Variants in ADAM29 observed in about 807,000 individuals in gnomAD.
ADAM29 encodes the protein ADAM metallopeptidase domain 29.
For missense variants in ADAM29, 969 were observed against 1,001.8 expected, an observed-to-expected ratio of 0.97 and a Z score of 0.44; for synonymous variants, 367 against 342.3, an observed-to-expected ratio of 1.07 and a Z score of -0.80.
At chr4:174,972,894 A>T (rs1405724134) in intron 4 of ADAM29, among the ~76,000 whole-genome samples, 2 of 152,072 alleles carry the variant, frequency 1.3e-5, no homozygotes, top group Non-Finnish European at 2.9e-5. Context: ...TGTACTGAGA[A>T]GTAGGGAAGA....
rs369495433 is a variant in ADAM29 at position 174,921,543 on chromosome 4, G to A, written c.-451+751G>A. Among the ~76,000 whole-genome samples the A allele has an allele frequency of 2.0e-5, 3 of 152,124 alleles. No homozygotes were observed. The East Asian group carries it at 5.8e-4, about 29-fold the overall frequency. Reference sequence around the variant, plus strand: ...CCAATTTCCAGATGGACGCACAAAAGCCTACTGCCTATTATCCAAAAAGTG... The same window carrying A: ...CCAATTTCCAGATGGACGCACAAAAACCTACTGCCTATTATCCAAAAAGTG... On this transcript the variant is annotated intron_variant, in intron 2 of 4. Coordinates refer to ENST00000359240, the MANE Select transcript of ADAM29 (RefSeq NM_014269.4).
intron 4 of ADAM29, among the ~76,000 whole-genome samples, chr4:174,939,594 T>C (rs1381262922): frequency 6.6e-6 from 1 of 152,220 alleles, no homozygotes; most frequent in Admixed American, 6.5e-5. Flanking sequence ...TTGGCAATTG[T>C]TCATTAGAAT....
At chr4:174,937,874 G>C (rs1253794817) in intron 4 of ADAM29, among the ~76,000 whole-genome samples, 3 of 151,994 alleles carry the variant, frequency 2.0e-5, no homozygotes, top group East Asian at 3.9e-4. Flanking sequence ...ATGACAAATT[G>C]CAATGTTAAA....
chr4:174,971,355 A>G (rs1281307446), intron 4 of ADAM29, among the ~76,000 whole-genome samples: 1 of 152,160 alleles, frequency 6.6e-6, no homozygotes, highest in Non-Finnish European at 1.5e-5. Flanking sequence ...CCATCATTTC[A>G]ACTTGAAGAA....
rs76074380 is a variant in ADAM29 at position 174,925,763 on chromosome 4, G to T, written c.-451+4971G>T. ...AAGACTTGTGCTCCTGAGAAACAAA[G>T]AAGTGAACCAGACAGAAGATAAAAT... is the stretch of plus-strand genomic sequence containing the variant. On this transcript the variant is annotated intron_variant, in intron 2 of 4. Transcript: ENST00000359240. Among the ~76,000 whole-genome samples, 497 of 152,300 alleles carry T rather than the reference G, an allele frequency of 3.3e-3. 25 individuals are homozygous for T. In the East Asian group the frequency reaches 0.088, roughly 27 times the overall value.
chr4:174,960,071 A>C (rs1386176303), intron 4 of ADAM29, among the ~76,000 whole-genome samples: 1 of 152,038 alleles, frequency 6.6e-6, no homozygotes, highest in Non-Finnish European at 1.5e-5. Context: ...CATTTCACCT[A>C]AGTATTCATA....
intron 4 of ADAM29, among the ~76,000 whole-genome samples, chr4:174,972,238 C>T (rs1033258872): frequency 1.3e-5 from 2 of 152,148 alleles, no homozygotes; most frequent in Non-Finnish European, 2.9e-5. Context: ...CCTGTTTCTA[C>T]GTTTTCCTTA....
intron 2 of ADAM29, among the ~76,000 whole-genome samples, chr4:174,927,921 G>A (rs957235344): frequency 6.6e-6 from 1 of 152,120 alleles, no homozygotes; most frequent in African/African-American, 2.4e-5. Context: ...TTTGATCCAA[G>A]GGAGACTTAA....
chr4:174,965,802 C>A (rs1746126506), intron 4 of ADAM29, among the ~76,000 whole-genome samples: 1 of 152,098 alleles, frequency 6.6e-6, no homozygotes, highest in African/African-American at 2.4e-5. Context: ...CTCTCATGAT[C>A]TCATTTAAAC....
At chr4:174,944,908 C>T (rs1744754314) in intron 4 of ADAM29, among the ~76,000 whole-genome samples, 1 of 152,124 alleles carries the variant, frequency 6.6e-6, no homozygotes, top group Non-Finnish European at 1.5e-5. Flanking sequence ...ATATGTACCA[C>T]ATTTTCTTTA....
rs1173714434 is a variant in ADAM29 at position 174,977,248 on chromosome 4, C to T, written c.1723C>T (p.Arg575Cys). Residue 575 changes from arginine to cysteine, a missense_variant, in exon 5 of 5, where the codon CGC becomes TGC. Coordinates refer to ENST00000359240, the MANE Select transcript of ADAM29 (RefSeq NM_014269.4). ...TGATCATACTACTGTGCATTGGGCT[C>T]GCTTCAATGACATAATGTGCTGGAG... ...MSDHTTVHWARFNDIMCWSTD... is the reference protein window; with the variant it reads ...MSDHTTVHWACFNDIMCWSTD... The T allele has an allele frequency of 6.8e-6, 11 of 1,613,810 alleles. No homozygotes were observed. Among genetic ancestry groups the T allele is most frequent in the Middle Eastern group, 1.6e-4 (1 of 6,080 alleles).
chr4:174,948,925 T>C (rs1010714981), intron 4 of ADAM29, among the ~76,000 whole-genome samples: 1 of 152,068 alleles, frequency 6.6e-6, no homozygotes, highest in Non-Finnish European at 1.5e-5. Context: ...GGTGAGCTTG[T>C]GCTGGCAAAG....
At chr4:174,920,882 A>C (rs1197090491) in intron 2 of ADAM29, 90 bp downstream of exon 2, 1 of 152,164 alleles carries the variant, frequency 6.6e-6, no homozygotes, top group African/African-American at 2.4e-5. Flanking sequence ...TAATAACTCT[A>C]ATGGTTCCTA....
rs761413218 is a variant in ADAM29 at position 174,977,176 on chromosome 4, T to G, written c.1651T>G (p.Cys551Gly). 2 of 1,614,096 alleles carry G rather than the reference T, an allele frequency of 1.2e-6. No individual in the cohort carries two copies. Among genetic ancestry groups the G allele is most frequent in the African/African-American group, 1.3e-5 (1 of 75,050 alleles). The change falls in exon 5 of 5, where the codon TGT becomes GGT. Residue 551 changes from cysteine (C) to glycine (G), a missense_variant. Coordinates refer to ENST00000359240, the MANE Select transcript of ADAM29 (RefSeq NM_014269.4). The stretch of plus-strand genomic sequence containing the variant: ...AAAGTGTAATATCTCAGATGTCCAG[T>G]GTGGAAGAATTCAGTGTGAGAATGT... ...YIKCNISDVQ[C>G]GRIQCENVTE...
At position 174,976,451 on chromosome 4, in the gene ADAM29, C is replaced by T. The variant is rs2111121419; in HGVS notation, c.926C>T (p.Pro309Leu). ...GGAGCTTTTAGAGGAATGTGTACAC[C>T]ACACCGTAGTTGTGCAATTGTTACT... ...GIGAFRGMCTPHRSCAIVTFM... is the reference protein window; with the variant it reads ...GIGAFRGMCTLHRSCAIVTFM... The change falls in exon 5 of 5, where the codon CCA becomes CTA. Residue 309 changes from proline to leucine, a missense_variant. Coordinates refer to ENST00000359240, the MANE Select transcript of ADAM29 (RefSeq NM_014269.4). The T allele has an allele frequency of 6.2e-7, 1 of 1,608,014 alleles. No individual in the cohort carries two copies. The highest frequency in any genetic ancestry group is 2.2e-5 in the East Asian group (1 of 44,852).
At chr4:174,963,490 T>C (rs1030217096) in intron 4 of ADAM29, among the ~76,000 whole-genome samples, 10 of 151,986 alleles carry the variant, frequency 6.6e-5, no homozygotes, top group African/African-American at 2.4e-4. Flanking sequence ...TTAAAGGCCT[T>C]AGCAAAAAAA....
Position 174,977,152 on chromosome 4 carries a change from A to C in ADAM29, c.1627A>C (p.Lys543Gln). The C allele has an allele frequency of 1.2e-6, 2 of 1,614,090 alleles. No homozygotes were observed. Among genetic ancestry groups the C allele is most frequent in the Non-Finnish European group, 1.7e-6 (2 of 1,180,024 alleles). ...HCGIKNATYI[K>Q]CNISDVQCGR... is the part of the protein sequence containing the mutation. ...TGGTATCAAAAATGCTACATATATAAAGTGTAATATCTCAGATGTCCAGTG... is the reference window on the plus strand; with the variant it reads ...TGGTATCAAAAATGCTACATATATACAGTGTAATATCTCAGATGTCCAGTG... The change falls in exon 5 of 5, where the codon AAG (lysine) becomes CAG (glutamine). Residue 543 changes from lysine to glutamine, a missense_variant. Physicochemically the swap from Lys to Gln is moderately conservative, Grantham distance 53. Coordinates refer to ENST00000359240, the MANE Select transcript of ADAM29 (RefSeq NM_014269.4).
chr4:174,976,629 T>C lies in ADAM29; in HGVS notation c.1104T>C (p.Asn368=), dbSNP rs745438938. Reference sequence around the variant, plus strand: ...ACCCACCAATAACTAAATTTAGCAATTGTAGTTATGGTGATTTTTGGGAAT... The same window carrying C: ...ACCCACCAATAACTAAATTTAGCAACTGTAGTTATGGTGATTTTTGGGAAT... The part of the protein sequence containing the change: ...EGNPPITKFS[N]CSYGDFWEYT... Residue 368 remains asparagine (N), a synonymous_variant, in exon 5 of 5, where the codon AAT becomes AAC. Transcript: ENST00000359240. 5.0e-6 allele frequency: 8 copies of C among 1,612,398 alleles called. No homozygotes were observed. The Admixed American group carries it at 6.7e-5, about 13-fold the overall frequency.
intron 2 of ADAM29, among the ~76,000 whole-genome samples, chr4:174,928,818 C>G (rs748472258): frequency 2.2e-4 from 33 of 152,206 alleles, no homozygotes; most frequent in Non-Finnish European, 3.2e-4. Context: ...TGAAGGCACT[C>G]CATCTTTCTT....
Sources: gnomAD v4.1 joint callset for allele counts (sites outside exome capture counted in the v4.1 genomes callset) on GRCh38, gnomAD v4.1.1 for gene constraint, MANE v1.5 for transcripts, NCBI Gene and HGNC (gene_info 2026-07-23, HGNC 2026-07-21) for gene names.